HAL: variants seen among roughly 807,000 people sequenced by gnomAD.
HAL encodes histidase.
Under a neutral mutation model 81.1 loss-of-function variants are expected in HAL, and 85 were observed. That is an observed-to-expected ratio of 1.05 (90% CI 0.88 to 1.25). The LOEUF is 1.25. HAL is among the 50% of genes most tolerant of loss of function. The probability of loss-of-function intolerance (pLI) is 0.00; values close to 1 mark genes in which losing one functional copy is unlikely to be tolerated. For missense variants in HAL, 798 were observed against 836.6 expected (o/e 0.95, Z 0.57); for synonymous variants, 301 against 309.2 (o/e 0.97, Z 0.28).
chr12:95,976,729 G>T, intron 18 of HAL, 23 bp from the exon 19 acceptor site: 2 of 1,462,166 alleles, frequency 1.4e-6, no homozygotes, highest in Non-Finnish European at 1.9e-6. Context: ...ATTCCAAGAG[G>T]GTAGCTTATG....
At position 95,980,870 on chromosome 12, in the gene HAL, A is replaced by C. The variant is rs1295340480; in HGVS notation, c.1288-7T>G. ...CCCTATTGGCAAAGACCATCTTTCA[A>C]AAGAGGTTAAGGCTTGAAGATAATG... On this transcript the variant is annotated splice_region_variant and splice_polypyrimidine_tract_variant and intron_variant, in intron 15 of 20. Coordinates refer to ENST00000261208, the MANE Select transcript of HAL (RefSeq NM_002108.4). The C allele has an allele frequency of 2.6e-6, 4 of 1,527,526 alleles. No individual in the cohort carries two copies. Among genetic ancestry groups the C allele is most frequent in the Non-Finnish European group, 3.6e-6 (4 of 1,102,020 alleles). 94.6% of individuals were successfully genotyped at this position (1,527,526 alleles called of 1,614,324 possible).
chr12:95,981,274 T>G (rs532516915), intron 15 of HAL, among the ~76,000 whole-genome samples: 3 of 152,334 alleles, frequency 2.0e-5, no homozygotes, highest in African/African-American at 7.2e-5. Context: ...TAGAAGAATC[T>G]GTTGAATGGG....
At chr12:95,986,982 C>G (rs1443020339) in intron 12 of HAL, 85 bp downstream of exon 12, 1 of 1,165,484 alleles carries the variant, frequency 8.6e-7, no homozygotes, top group Non-Finnish European at 1.3e-6. Flanking sequence ...CTGCCCCCAC[C>G]ACTTCTGTGT....
Position 95,980,721 on chromosome 12 carries a change from C to T in HAL, c.1354G>A (p.Ala452Thr), listed in dbSNP as rs368169258. The change falls in exon 17 of 21, where the codon GCC becomes ACC. Residue 452 changes from alanine (A) to threonine (T), a missense_variant and splice_region_variant. Transcript: ENST00000261208. ...GNFHGEYPAKALDYLAIGIHE... is the reference protein window; with the variant it reads ...GNFHGEYPAKTLDYLAIGIHE... ...ATGCCAATGGCCAAGTAGTCTAGGGCCTGAAAGAGGGTCTCCATTTAGTCA... is the reference window on the plus strand; with the variant it reads ...ATGCCAATGGCCAAGTAGTCTAGGGTCTGAAAGAGGGTCTCCATTTAGTCA... The T allele has an allele frequency of 6.2e-7, 1 of 1,613,510 alleles. No individual in the cohort carries two copies. The highest frequency in any genetic ancestry group is 8.5e-7 in the Non-Finnish European group (1 of 1,179,410).
intron 15 of HAL, 167 bp downstream of exon 15, chr12:95,983,744 C>G (rs1949840936): frequency 1.5e-6 from 1 of 652,460 alleles, no homozygotes; most frequent in African/African-American, 1.8e-5. Context: ...CTTACCAGCT[C>G]TGACCTGGAG....
intron 3 of HAL, 26 bp from the exon 4 acceptor site, chr12:95,994,851 G>C: frequency 1.9e-6 from 3 of 1,613,420 alleles, no homozygotes; most frequent in Non-Finnish European, 2.5e-6. Context: ...GGAACATATA[G>C]GGTGGTGTGG....
chr12:95,992,946 A>G, intron 8 of HAL, 141 bp from the exon 9 acceptor site: 1 of 766,676 alleles, frequency 1.3e-6, no homozygotes, highest in Non-Finnish European at 2.3e-6. Flanking sequence ...TAGTTGGACT[A>G]CTCTCCCTCC....
At chr12:95,994,682 T>C (rs967177382) in intron 4 of HAL, 116 bp downstream of exon 4, 1 of 1,052,228 alleles carries the variant, frequency 9.5e-7, no homozygotes, top group Non-Finnish European at 1.5e-6. Flanking sequence ...GAGTCACTGC[T>C]CCCGGCCAGC....
intron 17 of HAL, among the ~76,000 whole-genome samples, chr12:95,979,497 G>C (rs192479025): frequency 6.6e-6 from 1 of 152,290 alleles, no homozygotes; most frequent in African/African-American, 2.4e-5. Flanking sequence ...ACAGGATAAA[G>C]AGGCTCACAG....
intron 9 of HAL, among the ~76,000 whole-genome samples, chr12:95,992,400 T>C (rs1425763730): frequency 1.3e-5 from 2 of 152,220 alleles, no homozygotes; most frequent in African/African-American, 2.4e-5. Context: ...CAGGCTTGAA[T>C]GTAAGGGCAG....
chr12:95,995,563 G>A (rs1409924611), intron 2 of HAL, 101 bp downstream of exon 2: 5 of 1,524,912 alleles, frequency 3.3e-6, no homozygotes, highest in Non-Finnish European at 4.5e-6. Context: ...CGGCAAGCCT[G>A]ACCTCTGCTC....
Position 95,996,116 on chromosome 12 carries a change from G to A in HAL, c.-120C>T, listed in dbSNP as rs537728013. ...GGTTTTTGTAGCCGAGCAGGGGCAG[G>A]AGCAGGGGATGCAGACGGGTGAGCC... On this transcript the variant is annotated 5_prime_UTR_variant, in exon 1 of 21. Transcript: ENST00000261208. 20 of 601,794 alleles carry A rather than the reference G, an allele frequency of 3.3e-5. No individual in the cohort carries two copies. In the East Asian group the frequency reaches 5.6e-4, roughly 17 times the overall value. 37.3% of individuals were successfully genotyped at this position (601,794 alleles called of 1,614,324 possible). A position where few individuals can be genotyped will look rare whatever the true frequency, so the allele number is the denominator to read the frequency against.
At chr12:95,991,388 T>C (rs978807345) in intron 9 of HAL, among the ~76,000 whole-genome samples, 1 of 152,184 alleles carries the variant, frequency 6.6e-6, no homozygotes, top group African/African-American at 2.4e-5. Context: ...TTTGGAAACA[T>C]TGGAAAAGTA....
intron 13 of HAL, 31 bp downstream of exon 13, chr12:95,986,034 A>G: frequency 6.4e-7 from 1 of 1,562,608 alleles, no homozygotes; most frequent in Admixed American, 1.7e-5. Context: ...ACACGTAACC[A>G]AATAGGTCAC....
intron 11 of HAL, 77 bp from the exon 12 acceptor site, chr12:95,987,291 G>T: frequency 8.0e-7 from 1 of 1,250,418 alleles, no homozygotes; most frequent in Non-Finnish European, 1.2e-6. Context: ...TGTATCTTTT[G>T]CTTTCATAAG....
In HAL at chr12:95,973,065, C is replaced by G. The variant is rs2080672251; in HGVS notation, c.*1167G>C. 1 of 152,226 alleles carries G rather than the reference C, an allele frequency of 6.6e-6. No homozygotes were observed. Among genetic ancestry groups the G allele is most frequent in the Admixed American group, 6.5e-5 (1 of 15,286 alleles). The allele number at this position is 152,226 out of a possible 1,614,324, so 9.4% of individuals were successfully genotyped here. On this transcript the variant is annotated 3_prime_UTR_variant, in exon 21 of 21. Coordinates refer to ENST00000261208, the MANE Select transcript of HAL (RefSeq NM_002108.4). ...GGTGAAAACTCTATTGTGAAATCCA[C>G]TGTTCGGCCCATTTTAGATGGCAAT...
intron 15 of HAL, among the ~76,000 whole-genome samples, chr12:95,981,671 G>A (rs1245251927): frequency 6.6e-6 from 1 of 152,194 alleles, no homozygotes; most frequent in Non-Finnish European, 1.5e-5. Context: ...TGTTGGCCAG[G>A]CTGGTCTTGG....
chr12:95,995,981 G>A lies in HAL; in HGVS notation c.-71C>T. ...AGCTTTATGCAGGAGTGGCTACCGG[G>A]GTGTGGTCAGCTGGAAGGATGAGAA... On this transcript the variant is annotated 5_prime_UTR_variant, in exon 2 of 21. Coordinates refer to ENST00000261208, the MANE Select transcript of HAL (RefSeq NM_002108.4). The A allele has an allele frequency of 6.6e-7, 1 of 1,511,128 alleles. No homozygotes were observed. The highest frequency in any genetic ancestry group is 1.1e-5 in the South Asian group (1 of 87,544). 93.6% of individuals were successfully genotyped at this position (1,511,128 alleles called of 1,614,324 possible). A position where few individuals can be genotyped will look rare whatever the true frequency, so the allele number is the denominator to read the frequency against.
intron 9 of HAL, among the ~76,000 whole-genome samples, chr12:95,991,065 G>A (rs1949964873): frequency 6.6e-6 from 1 of 152,158 alleles, no homozygotes; most frequent in Admixed American, 6.5e-5. Flanking sequence ...AGCCGAGATT[G>A]TGCCACTGCA....
Sources: gnomAD v4.1 joint callset for allele counts (sites outside exome capture counted in the v4.1 genomes callset) on GRCh38, gnomAD v4.1.1 for gene constraint, MANE v1.5 for transcripts, NCBI Gene and HGNC (gene_info 2026-07-23, HGNC 2026-07-21) for gene names.